The following NCOR1 variants were observed in gnomAD, a reference collection of about 807,000 sequenced individuals.
NCOR1 encodes protein phosphatase 1, regulatory subunit 109.
In NCOR1, 63 loss-of-function variants were observed where a neutral mutation model predicts 288.1. That is an observed-to-expected ratio of 0.22 (90% CI 0.18 to 0.27). The LOEUF (loss-of-function observed/expected upper bound fraction) is 0.27, where lower values mean the gene tolerates loss of function less well. NCOR1 is among the 10% of genes least tolerant of loss of function. The pLI, the probability that NCOR1 is intolerant of heterozygous loss-of-function variation, is 1.00. For synonymous variants in NCOR1, 1,007 were observed against 1,065.9 expected, an observed-to-expected ratio of 0.94 and a Z score of 1.08; for missense variants, 2,397 against 3,019.2, an observed-to-expected ratio of 0.79 and a Z score of 4.83.
chr17:16,044,611 T>C, intron 42 of NCOR1: 1 of 593,926 alleles, frequency 1.7e-6, no homozygotes, highest in South Asian at 1.4e-5. Flanking sequence ...GCCCCACACT[T>C]GCCCATACCA....
chr17:16,208,466 C>T (rs898670088), intron 1 of NCOR1, among the ~76,000 whole-genome samples: 1 of 152,042 alleles, frequency 6.6e-6, no homozygotes, highest in African/African-American at 2.4e-5. Context: ...TATCTAGAAC[C>T]ATGAGTGCTG....
At chr17:16,161,992 G>GA (rs2080939228) in intron 5 of NCOR1, among the ~76,000 whole-genome samples, 1 of 151,722 alleles carries the variant, frequency 6.6e-6, no homozygotes. Context: ...AAAGACAAAA[G>GA]AAAGAAAAGA....
At position 16,101,615 on chromosome 17, in the gene NCOR1, A is replaced by G. The variant is rs1362246907; in HGVS notation, c.2325T>C (p.Ala775=). ...PSLAVPSTKP[A]EDESVETQVN... Reference sequence around the variant, plus strand: ...CCTGGGTCTCCACACTTTCATCTTCAGCTGGTTTTGTACTTGGAACTGCTA... The same window carrying G: ...CCTGGGTCTCCACACTTTCATCTTCGGCTGGTTTTGTACTTGGAACTGCTA... The change falls in exon 20 of 46, where the codon GCT becomes GCC. Residue 775 remains alanine (A), a synonymous_variant. Transcript: ENST00000268712. The G allele has an allele frequency of 6.2e-7, 1 of 1,614,098 alleles. No individual in the cohort carries two copies. Among genetic ancestry groups the G allele is most frequent in the South Asian group, 1.1e-5 (1 of 91,074 alleles).
intron 1 of NCOR1, among the ~76,000 whole-genome samples, chr17:16,207,504 G>A (rs2091652852): frequency 6.6e-6 from 1 of 152,226 alleles, no homozygotes; most frequent in East Asian, 1.9e-4. Context: ...CACTTTGGGA[G>A]GCCGAGGCAG....
At chr17:16,061,346 T>A in intron 37 of NCOR1, 55 bp downstream of exon 37, 1 of 1,564,784 alleles carries the variant, frequency 6.4e-7, no homozygotes, top group Admixed American at 1.9e-5. Flanking sequence ...ACCTAAAGAA[T>A]AAAGTAATTC....
intron 1 of NCOR1, among the ~76,000 whole-genome samples, chr17:16,195,856 TTA>T (rs1164753647): frequency 6.6e-6 from 1 of 152,184 alleles, no homozygotes; most frequent in African/African-American, 2.4e-5. Flanking sequence ...TTATCTATGT[TTA>T]TGTTTCAGGA....
chr17:16,191,599 T>A (rs958045692), intron 2 of NCOR1, among the ~76,000 whole-genome samples: 36 of 128,796 alleles, frequency 2.8e-4, no homozygotes, highest in Admixed American at 1.9e-3. Flanking sequence ...TTAAAAAAAA[T>A]AAAATAAAAA....
chr17:16,066,961 CAGAGA>C (rs984733734), intron 32 of NCOR1, among the ~76,000 whole-genome samples: 1 of 152,180 alleles, frequency 6.6e-6, no homozygotes, highest in African/African-American at 2.4e-5. Flanking sequence ...TTATTTAGGC[CAGAGA>C]AGAGGTCTCA....
chr17:16,203,071 A>T (rs865833349), intron 1 of NCOR1, among the ~76,000 whole-genome samples: 18 of 143,000 alleles, frequency 1.3e-4, no homozygotes, highest in South Asian at 8.8e-4. Context: ...ACACACACAC[A>T]CTCTGAAGCT....
chr17:16,126,743 A>G (rs976547744), intron 14 of NCOR1, among the ~76,000 whole-genome samples: 1 of 152,340 alleles, frequency 6.6e-6, no homozygotes, highest in East Asian at 1.9e-4. Flanking sequence ...TAATAAGGTG[A>G]AAAGAAGTAA....
At chr17:16,102,070 A>G (rs2067716199) in intron 19 of NCOR1, among the ~76,000 whole-genome samples, 2 of 152,184 alleles carry the variant, frequency 1.3e-5, no homozygotes, top group Admixed American at 1.3e-4. Flanking sequence ...ACGAACAATA[A>G]AACTAAACAA....
At chr17:16,160,291 G>C (rs1273879008) in intron 5 of NCOR1, among the ~76,000 whole-genome samples, 1 of 152,020 alleles carries the variant, frequency 6.6e-6, no homozygotes, top group African/African-American at 2.4e-5. Context: ...TATTACTAGT[G>C]AAGCAAGCAG....
intron 20 of NCOR1, among the ~76,000 whole-genome samples, chr17:16,100,971 TCACAACTTTATTAGTTGA>T: frequency 6.6e-6 from 1 of 152,354 alleles, no homozygotes; most frequent in East Asian, 1.9e-4. Flanking sequence ...TGTGGTTTAT[TCACAACTTTATTAGTTGA>T]AATTCCCTGT....
chr17:16,087,398 A>T lies in NCOR1; in HGVS notation c.3017-956T>A, dbSNP rs1443169275. The T allele has an allele frequency of 2.0e-5, 24 of 1,203,296 alleles. No individual in the cohort carries two copies. In the East Asian group the frequency reaches 1.3e-3, roughly 66 times the overall value. The allele number at this position is 1,203,296 out of a possible 1,614,324, so 74.5% of individuals were successfully genotyped here. ...GGGAAGAACCCCAAATTAAAATAGT[A>T]AGTGTGAAAGGACCAAGCCCACACC... On this transcript the variant is annotated intron_variant, in intron 22 of 45. Transcript: ENST00000268712.
chr17:16,130,524 C>T (rs758968803), intron 14 of NCOR1, among the ~76,000 whole-genome samples: 2 of 151,868 alleles, frequency 1.3e-5, no homozygotes, highest in Non-Finnish European at 2.9e-5. Flanking sequence ...TACTTGAGAG[C>T]CAATAAAACA....
At chr17:16,087,382 C>T (rs981188961) in intron 22 of NCOR1, 13 of 1,261,288 alleles carry the variant, frequency 1.0e-5, no homozygotes, top group Non-Finnish European at 1.4e-5. Context: ...AGGGAAGAAC[C>T]CCAAATTAAA....
At chr17:16,084,306 A>T (rs2063872389) in intron 23 of NCOR1, 1 of 152,328 alleles carries the variant, frequency 6.6e-6, no homozygotes, top group South Asian at 2.1e-4. Flanking sequence ...GGTCGTGCGT[A>T]GCTGCTAATA....
intron 27 of NCOR1, among the ~76,000 whole-genome samples, chr17:16,075,093 C>T (rs187934268): frequency 0.011 from 1,671 of 152,294 alleles, 36 homozygotes; most frequent in African/African-American, 0.038. Flanking sequence ...TGGTCTCGAT[C>T]TCCTGACCTT....
chr17:16,143,194 C>T (rs886570318), intron 11 of NCOR1, among the ~76,000 whole-genome samples: 7 of 152,162 alleles, frequency 4.6e-5, no homozygotes, highest in African/African-American at 1.4e-4. Flanking sequence ...CTTTAGGAAA[C>T]GGCACCACCA....
Sources: gnomAD v4.1 joint callset for allele counts (sites outside exome capture counted in the v4.1 genomes callset) on GRCh38, gnomAD v4.1.1 for gene constraint, MANE v1.5 for transcripts, NCBI Gene and HGNC (gene_info 2026-07-23, HGNC 2026-07-21) for gene names.